Variants in MON2 observed in about 807,000 individuals in gnomAD.
MON2 encodes the protein protein MON2 homolog.
Under a neutral mutation model 208.6 loss-of-function variants are expected in MON2, and 84 were observed. That is an observed-to-expected ratio of 0.40 (90% CI 0.34 to 0.48). The LOEUF (loss-of-function observed/expected upper bound fraction) is 0.48, where lower values mean the gene tolerates loss of function less well. Ranked by LOEUF, MON2 falls within the 20% of genes least tolerant of loss-of-function variation. MON2 has a pLI of 0.59. For synonymous variants in MON2, 660 were observed against 694.0 expected, an observed-to-expected ratio of 0.95 and a Z score of 0.77; for missense variants, 1,611 against 2,015.4, an observed-to-expected ratio of 0.80 and a Z score of 3.84.
intron 34 of MON2, among the ~76,000 whole-genome samples, chr12:62,591,314 C>A (rs1450425753): frequency 2.6e-5 from 4 of 152,178 alleles, no homozygotes; most frequent in Non-Finnish European, 5.9e-5. Flanking sequence ...TCAGCAATAC[C>A]CATCAGCTCT....
intron 31 of MON2, among the ~76,000 whole-genome samples, chr12:62,579,137 G>T (rs545147945): frequency 6.6e-6 from 1 of 151,882 alleles, no homozygotes; most frequent in African/African-American, 2.4e-5. Context: ...CTAGTTTCTC[G>T]GGAGACTGAA....
intron 32 of MON2, 104 bp downstream of exon 32, chr12:62,580,524 G>A (rs577186580): frequency 2.1e-6 from 2 of 949,016 alleles, no homozygotes; most frequent in Non-Finnish European, 3.1e-6. Context: ...ACTGGAGAAT[G>A]GTAAGGTGAT....
At chr12:62,519,856 C>T (rs907194094) in intron 8 of MON2, among the ~76,000 whole-genome samples, 1 of 152,268 alleles carries the variant, frequency 6.6e-6, no homozygotes, top group Non-Finnish European at 1.5e-5. Context: ...CGCTCTGTCA[C>T]CCTGGCTGGA....
At position 62,525,933 on chromosome 12, in the gene MON2, CCTT is replaced by C. The variant is rs753665263; in HGVS notation, c.1247-10_1247-8del. ...TAAATTAGTGTCTTTTCTTTTTTTC[CCTT>C]CTTCTCTAACAGGAAACAATAATTT... On this transcript the variant is annotated splice_polypyrimidine_tract_variant and intron_variant, in intron 10 of 34. Coordinates refer to ENST00000393630, the MANE Select transcript of MON2 (RefSeq NM_015026.3). 3.8e-6 allele frequency: 6 copies of C among 1,593,180 alleles called. No homozygotes were observed. Among genetic ancestry groups the C allele is most frequent in the Non-Finnish European group, 4.3e-6 (5 of 1,171,774 alleles).
intron 12 of MON2, among the ~76,000 whole-genome samples, chr12:62,534,528 AAAAAAAAAAAAAAAATAT>A (rs1283651582): frequency 4.8e-5 from 1 of 20,886 alleles, no homozygotes; most frequent in African/African-American, 1.4e-4. Flanking sequence ...CAAAAAAAAA[AAAAAAAAAAAAAAAATAT>A]ATATATATAT....
intron 10 of MON2, 36 bp from the exon 11 acceptor site, chr12:62,525,913 T>C: frequency 6.3e-7 from 1 of 1,596,166 alleles, no homozygotes; most frequent in Non-Finnish European, 8.5e-7. Context: ...AGTAGTAAAT[T>C]AGTGTCTTTT....
chr12:62,499,130 G>A (rs1592878585), intron 5 of MON2, 82 bp downstream of exon 5: 1 of 1,395,590 alleles, frequency 7.2e-7, no homozygotes, highest in African/African-American at 1.5e-5. Context: ...TTGCTCAGAT[G>A]ATCAACATTA....
chr12:62,512,080 C>T (rs2071436196), intron 8 of MON2, among the ~76,000 whole-genome samples: 2 of 152,106 alleles, frequency 1.3e-5, no homozygotes, highest in African/African-American at 2.4e-5. Context: ...TCATTACCTC[C>T]CACCAGGTCC....
At chr12:62,470,361 T>C (rs911915470) in intron 1 of MON2, among the ~76,000 whole-genome samples, 4 of 152,380 alleles carry the variant, frequency 2.6e-5, no homozygotes, top group South Asian at 2.1e-4. Flanking sequence ...CTTACTGTTT[T>C]CATTTATAAC....
Position 62,556,084 on chromosome 12 carries a change from C to T in MON2, c.3301C>T (p.His1101Tyr). 1 of 1,613,968 alleles carries T rather than the reference C, an allele frequency of 6.2e-7. No homozygotes were observed. Among genetic ancestry groups the T allele is most frequent in the South Asian group, 1.1e-5 (1 of 91,058 alleles). ...IESGGGNILI[H>Y]HSRDTAEKQW... ...GTCTGGAGGTGGCAATATTCTCATT[C>T]ATCATTCAAGGGACACCGCCGAGAA... is the stretch of plus-strand genomic sequence containing the variant. Residue 1101 changes from histidine to tyrosine, a missense_variant, in exon 25 of 35, where the codon CAT becomes TAT. His to Tyr is a moderately conservative substitution (Grantham distance 83, BLOSUM62 2). Coordinates refer to ENST00000393630, the MANE Select transcript of MON2 (RefSeq NM_015026.3).
At chr12:62,469,558 T>C (rs1419496667) in intron 1 of MON2, among the ~76,000 whole-genome samples, 1 of 152,200 alleles carries the variant, frequency 6.6e-6, no homozygotes, top group African/African-American at 2.4e-5. Flanking sequence ...ACTTTAGGAA[T>C]TGAAAAATGA....
At chr12:62,537,948 T>C in intron 16 of MON2, 148 bp from the exon 17 acceptor site, 1 of 697,320 alleles carries the variant, frequency 1.4e-6, no homozygotes, top group Non-Finnish European at 2.4e-6. Flanking sequence ...TATATGAATG[T>C]TAATTAGTGA....
intron 7 of MON2, among the ~76,000 whole-genome samples, chr12:62,506,395 CTTTT>C (rs943372329): frequency 6.6e-6 from 1 of 152,100 alleles, no homozygotes; most frequent in African/African-American, 2.4e-5. Flanking sequence ...TTATTTTTAT[CTTTT>C]TATTTATCTG....
intron 26 of MON2, 197 bp from the exon 27 acceptor site, chr12:62,565,040 G>T: frequency 2.1e-6 from 1 of 476,078 alleles, no homozygotes; most frequent in Non-Finnish European, 3.6e-6. Context: ...ACATTTTTTA[G>T]CTGATTAACA....
In MON2 at chr12:62,595,856, CTTTCTTG is replaced by C. The variant is rs1265640777; in HGVS notation, c.*3118_*3124del. ...ATTTTATTCACTTAACAGCTAACAT[CTTTCTTG>C]TTTCTTGTTTTTTCCATTATATGGT... On this transcript the variant is annotated 3_prime_UTR_variant, in exon 35 of 35. Transcript: ENST00000393630. The C allele has an allele frequency of 2.6e-5, 4 of 152,152 alleles. No homozygotes were observed. Among genetic ancestry groups the C allele is most frequent in the Non-Finnish European group, 4.4e-5 (3 of 68,016 alleles). The allele number at this position is 152,152 out of a possible 1,614,324, so 9.4% of individuals were successfully genotyped here.
intron 2 of MON2, among the ~76,000 whole-genome samples, chr12:62,489,495 A>AT (rs1435015172): frequency 6.6e-6 from 1 of 151,798 alleles, no homozygotes; most frequent in Non-Finnish European, 1.5e-5. Flanking sequence ...TTACCTTTTG[A>AT]TTTTTTTATC....
At chr12:62,591,560 CA>C (rs549167695) in intron 34 of MON2, among the ~76,000 whole-genome samples, 1 of 152,126 alleles carries the variant, frequency 6.6e-6, no homozygotes, top group Non-Finnish European at 1.5e-5. Context: ...AATTAGTCTC[CA>C]AAAGGTGAGA....
chr12:62,483,371 A>G (rs1054403792), intron 1 of MON2, among the ~76,000 whole-genome samples: 2 of 152,180 alleles, frequency 1.3e-5, no homozygotes, highest in African/African-American at 4.8e-5. Flanking sequence ...GTGTTTGGTT[A>G]TCCATTCTCA....
intron 24 of MON2, chr12:62,553,463 A>G (rs756634756): frequency 4.1e-5 from 11 of 270,066 alleles, no homozygotes; most frequent in Non-Finnish European, 7.6e-5. Flanking sequence ...CCAAATGGTA[A>G]AAACCAGGAG....
Sources: gnomAD v4.1 joint callset for allele counts (sites outside exome capture counted in the v4.1 genomes callset) on GRCh38, gnomAD v4.1.1 for gene constraint, MANE v1.5 for transcripts, NCBI Gene and HGNC (gene_info 2026-07-23, HGNC 2026-07-21) for gene names.